The following GLIS1 variants were observed in gnomAD, a reference collection of about 807,000 sequenced individuals.
GLIS1 encodes GLIS family zinc finger 1.
A neutral mutation model predicts 63.8 loss-of-function variants in GLIS1; 24 were observed. The ratio of observed to expected loss-of-function variants is 0.38; its 90% CI spans 0.27 to 0.53. The LOEUF is 0.53. GLIS1 is among the 20% of genes least tolerant of loss of function. GLIS1 has a pLI of 0.85. For missense variants in GLIS1, 1,036 were observed against 1,074.1 expected (o/e 0.96, Z 0.50); for synonymous variants, 450 against 482.5 (o/e 0.93, Z 0.88).
intron 2 of GLIS1, among the ~76,000 whole-genome samples, chr1:53,699,265 T>C (rs1171963110): frequency 6.6e-6 from 1 of 152,060 alleles, no homozygotes; most frequent in East Asian, 1.9e-4. Context: ...GGTTTCACCA[T>C]GTTGGCCAGG....
chr1:53,704,557 G>T (rs985755477), intron 2 of GLIS1, among the ~76,000 whole-genome samples: 1 of 152,206 alleles, frequency 6.6e-6, no homozygotes, highest in Non-Finnish European at 1.5e-5. Context: ...GTGGGAGGGA[G>T]GGGAAAGGAA....
At chr1:53,591,048 A>G (rs908585453) in intron 4 of GLIS1, among the ~76,000 whole-genome samples, 26 of 152,232 alleles carry the variant, frequency 1.7e-4, no homozygotes, top group Non-Finnish European at 3.5e-4. Context: ...AGATAATAAA[A>G]GGATTAACTG....
chr1:53,698,271 G>A (rs1646487483), intron 2 of GLIS1, among the ~76,000 whole-genome samples: 1 of 152,194 alleles, frequency 6.6e-6, no homozygotes, highest in South Asian at 2.1e-4. Flanking sequence ...ACGCACTCCA[G>A]AGGATGACGC....
At chr1:53,537,689 A>C (rs1644596403) in intron 4 of GLIS1, among the ~76,000 whole-genome samples, 1 of 152,184 alleles carries the variant, frequency 6.6e-6, no homozygotes, top group African/African-American at 2.4e-5. Flanking sequence ...ATGGCCCAAA[A>C]AGGAGGCAGG....
intron 4 of GLIS1, among the ~76,000 whole-genome samples, chr1:53,579,678 G>A (rs984842412): frequency 2.0e-5 from 3 of 152,234 alleles, no homozygotes; most frequent in Non-Finnish European, 4.4e-5. Context: ...CCCCCAGTAC[G>A]CAAGCTGTGC....
intron 4 of GLIS1, among the ~76,000 whole-genome samples, chr1:53,536,376 C>T (rs1644581908): frequency 6.6e-6 from 1 of 152,122 alleles, no homozygotes; most frequent in African/African-American, 2.4e-5. Flanking sequence ...CCAAAATACA[C>T]AAACAGTAAA....
chr1:53,571,257 G>A (rs983266183), intron 4 of GLIS1, among the ~76,000 whole-genome samples: 10 of 152,148 alleles, frequency 6.6e-5, no homozygotes, highest in Admixed American at 2.6e-4. Context: ...CATTTTTGAG[G>A]ACATAGAACC....
intron 4 of GLIS1, among the ~76,000 whole-genome samples, chr1:53,566,389 T>C (rs1644936774): frequency 6.6e-6 from 1 of 152,036 alleles, no homozygotes; most frequent in African/African-American, 2.4e-5. Context: ...TATAGCAAGG[T>C]TGCAAGATAC....
At chr1:53,698,280 G>A (rs374287780) in intron 2 of GLIS1, among the ~76,000 whole-genome samples, 4 of 152,274 alleles carry the variant, frequency 2.6e-5, no homozygotes, top group Admixed American at 1.3e-4. Context: ...AGAGGATGAC[G>A]CAGAAGGAGT....
At position 53,594,094 on chromosome 1, in the gene GLIS1, C is replaced by T. The variant is rs1208246841; in HGVS notation, c.1320+14G>A. The T allele has an allele frequency of 1.8e-5, 28 of 1,591,420 alleles. No individual in the cohort carries two copies. In the Middle Eastern group the frequency reaches 1.0e-3, roughly 58 times the overall value. ...AGGGGCTGGGGTGAGGCCTGGCGGC[C>T]GGTGGGAACTCACCATGCACTTGTT... On this transcript the variant is annotated intron_variant, in intron 4 of 10. Transcript: ENST00000628545.
intron 2 of GLIS1, among the ~76,000 whole-genome samples, chr1:53,688,543 A>T (rs1406423164): frequency 6.6e-6 from 1 of 151,984 alleles, no homozygotes; most frequent in African/African-American, 2.4e-5. Context: ...TGGTCTCCCG[A>T]CTGGGAACTA....
rs138356282 is a variant in GLIS1, at chr1:53,549,187, G to A, written c.1321-19235C>T. On this transcript the variant is annotated intron_variant, in intron 4 of 10. Transcript: ENST00000628545. Reference sequence around the variant, plus strand: ...CATTTTATCTATCCATCCCTCCATTGATGGACATCTAGGTTGTTTCCACCT... The same window carrying A: ...CATTTTATCTATCCATCCCTCCATTAATGGACATCTAGGTTGTTTCCACCT... Among the ~76,000 whole-genome samples, 521 of 152,264 alleles carry A rather than the reference G, an allele frequency of 3.4e-3. 1 individual carries two copies. The highest frequency in any genetic ancestry group is 5.0e-3 in the Non-Finnish European group (339 of 68,032).
Position 53,509,167 on chromosome 1 carries a change from A to G in GLIS1, c.2183T>C (p.Leu728Pro). The G allele has an allele frequency of 6.2e-7, 1 of 1,600,498 alleles. No individual in the cohort carries two copies. Among genetic ancestry groups the G allele is most frequent in the South Asian group, 1.1e-5 (1 of 88,728 alleles). ...LVGETHGFNP[L>P]RPNGYHSLST... ...GAGGCTGTGGTAGCCATTGGGCCGCAGGGGGTTGAAACCGTGGGTCTCCCC... is the reference window on the plus strand; with the variant it reads ...GAGGCTGTGGTAGCCATTGGGCCGCGGGGGGTTGAAACCGTGGGTCTCCCC... Residue 728 changes from leucine to proline, a missense_variant, in exon 10 of 11, where the codon CTG becomes CCG. Around this residue, in one of 3 missense-constraint regions of GLIS1, gnomAD observed 400 missense variants for 400.9 expected, o/e 1.00. Transcript: ENST00000628545.
chr1:53,640,743 T>C (rs1409671888), intron 2 of GLIS1, among the ~76,000 whole-genome samples: 1 of 152,130 alleles, frequency 6.6e-6, no homozygotes, highest in Admixed American at 6.6e-5. Flanking sequence ...AAAGCCAGGA[T>C]TTAAAACCCA....
Position 53,639,322 on chromosome 1 carries a change from G to A in GLIS1, c.260-39044C>T, listed in dbSNP as rs760960003. On this transcript the variant is annotated intron_variant, in intron 2 of 10. Transcript: ENST00000628545. The surrounding 1 kb of genome is among the most constrained non-coding windows in gnomAD (Gnocchi z 4.6). ...GGCTCCACCAGTCCCACCCTCGTTC[G>A]GAGGTGTCCCCTCCCTGCAGGCTGC... Among the ~76,000 whole-genome samples, 3 of 152,046 alleles carry A rather than the reference G, an allele frequency of 2.0e-5. No individual in the cohort carries two copies. Among genetic ancestry groups the A allele is most frequent in the South Asian group, 2.1e-4 (1 of 4,818 alleles).
intron 6 of GLIS1, among the ~76,000 whole-genome samples, chr1:53,522,986 C>CTTTTTCTTTTTCTTTTTTTTTT (rs760283252): frequency 2.3e-5 from 1 of 43,690 alleles, no homozygotes; most frequent in African/African-American, 4.4e-5. Context: ...TCTTTTCTTT[C>CTTTTTCTTTTTCTTTTTTTTTT]TTTTTTTTTT....
chr1:53,534,728 C>G (rs1027060006), intron 4 of GLIS1, among the ~76,000 whole-genome samples: 17 of 151,350 alleles, frequency 1.1e-4, no homozygotes, highest in Middle Eastern at 3.4e-3. Context: ...CTGCGAGTCA[C>G]TCACTCATCC....
chr1:53,711,767 T>C (rs1012402508), intron 2 of GLIS1, among the ~76,000 whole-genome samples: 10 of 152,368 alleles, frequency 6.6e-5, no homozygotes, highest in South Asian at 4.1e-4. Context: ...CAGTTAACAC[T>C]TTCCCAAAAG....
chr1:53,729,009 A>G (rs947322095), intron 2 of GLIS1, among the ~76,000 whole-genome samples: 1 of 150,510 alleles, frequency 6.6e-6, no homozygotes. Context: ...TGGTGGATAA[A>G]GTACATATCT....
Sources: gnomAD v4.1 joint callset for allele counts (sites outside exome capture counted in the v4.1 genomes callset) on GRCh38, gnomAD v4.1.1 for gene constraint, gnomAD v4.1.1 regional missense constraint, Gnocchi (gnomAD v3.1) non-coding constraint, MANE v1.5 for transcripts, NCBI Gene and HGNC (gene_info 2026-07-23, HGNC 2026-07-21) for gene names.